VWA3B: variants seen among roughly 807,000 people sequenced by gnomAD.
VWA3B encodes von Willebrand factor A domain-containing protein 3B.
VWA3B carries 138 observed loss-of-function variants against 158.3 expected under a neutral mutation model. The ratio of observed to expected loss-of-function variants is 0.87; its 90% confidence interval spans 0.76 to 1.00. The LOEUF (loss-of-function observed/expected upper bound fraction) is 1.00, where lower values mean the gene tolerates loss of function less well. Among genes scored for constraint, VWA3B ranks in the 50% least tolerant of loss-of-function variants. VWA3B has a pLI of 0.00. For missense variants in VWA3B, 1,555 were observed against 1,565.1 expected (o/e 0.99, Z 0.11); for synonymous variants, 596 against 587.3 (o/e 1.01, Z -0.21).
intron 8 of VWA3B, among the ~76,000 whole-genome samples, chr2:98,164,424 G>T (rs1678898345): frequency 6.6e-6 from 1 of 152,166 alleles, no homozygotes; most frequent in Non-Finnish European, 1.5e-5. Flanking sequence ...CACTGAATGG[G>T]CACATACTAT....
intron 2 of VWA3B, among the ~76,000 whole-genome samples, chr2:98,100,734 T>A (rs1212663173): frequency 1.3e-5 from 2 of 152,214 alleles, no homozygotes; most frequent in Non-Finnish European, 2.9e-5. Flanking sequence ...GGTAAAGTCC[T>A]ATTCTTTCTT....
At chr2:98,139,201 C>T (rs13395745) in intron 7 of VWA3B, among the ~76,000 whole-genome samples, 14,228 of 152,282 alleles carry the variant, frequency 0.093, 1,037 homozygotes, top group African/African-American at 0.2. Flanking sequence ...CCCACCGGAG[C>T]TGCTCTCGAT....
intron 19 of VWA3B, among the ~76,000 whole-genome samples, chr2:98,245,031 C>G (rs1431574388): frequency 6.6e-6 from 1 of 152,088 alleles, no homozygotes; most frequent in Non-Finnish European, 1.5e-5. Context: ...CTAGTCACAA[C>G]CTTGTCACAT....
chr2:98,228,600 G>A (rs552177842), intron 15 of VWA3B, among the ~76,000 whole-genome samples: 13 of 152,120 alleles, frequency 8.5e-5, no homozygotes, highest in Non-Finnish European at 1.9e-4. Flanking sequence ...GCAATGAGAG[G>A]GCGGAGAGGA....
intron 22 of VWA3B, among the ~76,000 whole-genome samples, chr2:98,273,404 C>G (rs1010010372): frequency 6.6e-6 from 1 of 152,166 alleles, no homozygotes; most frequent in African/African-American, 2.4e-5. Flanking sequence ...GGTCATATGT[C>G]TAGTAATGTT....
chr2:98,207,387 G>A (rs1376889114), intron 12 of VWA3B: 2 of 482,776 alleles, frequency 4.1e-6, no homozygotes, highest in East Asian at 1.0e-4. Flanking sequence ...TTGGCAATGA[G>A]CATAATGATG....
chr2:98,121,102 G>C (rs949173406), intron 4 of VWA3B, among the ~76,000 whole-genome samples, 197 bp from the exon 5 acceptor site: 5 of 152,202 alleles, frequency 3.3e-5, no homozygotes, highest in Non-Finnish European at 7.3e-5. Context: ...ATAGAAGGTA[G>C]TGGTGCTTTG....
At position 98,092,371 on chromosome 2, in the gene VWA3B, G is replaced by A. The variant is rs180927572; in HGVS notation, c.-32-690G>A. Among the ~76,000 whole-genome samples the A allele has an allele frequency of 3.9e-5, 6 of 152,334 alleles. No individual in the cohort carries two copies. The East Asian group carries it at 7.7e-4, about 20-fold the overall frequency. On this transcript the variant is annotated intron_variant, in intron 1 of 27. Coordinates refer to ENST00000477737, the MANE Select transcript of VWA3B (RefSeq NM_144992.5). ...TTATAAAAGTAAATTCCAGCTGGGC[G>A]CAGTGGCTCACGCCTGTAATCCCAA...
chr2:98,126,458 C>T (rs1468569217), intron 5 of VWA3B, among the ~76,000 whole-genome samples: 1 of 152,144 alleles, frequency 6.6e-6, no homozygotes, highest in Non-Finnish European at 1.5e-5. Context: ...TGAACCTGTC[C>T]CCATGCTAAA....
intron 10 of VWA3B, among the ~76,000 whole-genome samples, chr2:98,189,679 T>TC (rs1015104116): frequency 2.8e-4 from 42 of 152,352 alleles, no homozygotes; most frequent in African/African-American, 9.4e-4. Flanking sequence ...TGTTGAAATC[T>TC]CCAACTGTAG....
At chr2:98,311,501 G>A (rs1471191898) in intron 26 of VWA3B, among the ~76,000 whole-genome samples, 1 of 152,182 alleles carries the variant, frequency 6.6e-6, no homozygotes, top group Non-Finnish European at 1.5e-5. Context: ...TCCCTGGGGC[G>A]GACACAGGTC....
downstream of VWA3B, among the ~76,000 whole-genome samples, chr2:98,317,222 C>T (rs1454817176): frequency 6.6e-6 from 1 of 152,054 alleles, no homozygotes; most frequent in Non-Finnish European, 1.5e-5. Context: ...TGATAGTTCC[C>T]CCTGAGTTCA....
intron 12 of VWA3B, among the ~76,000 whole-genome samples, chr2:98,198,307 A>G (rs1288882621): frequency 6.6e-6 from 1 of 152,196 alleles, no homozygotes; most frequent in African/African-American, 2.4e-5. Flanking sequence ...TTCATACTCT[A>G]CAAGAAACAA....
chr2:98,185,406 C>T (rs1186658123), intron 9 of VWA3B, among the ~76,000 whole-genome samples: 4 of 152,204 alleles, frequency 2.6e-5, no homozygotes, highest in East Asian at 1.9e-4. Context: ...GGCTTATCTC[C>T]GTGCAGTTAA....
Position 98,256,133 on chromosome 2 carries a change from T to G in VWA3B, c.2802T>G (p.Asn934Lys). 6.2e-7 allele frequency: 1 copy of G among 1,613,058 alleles called. No individual in the cohort carries two copies. Among genetic ancestry groups the G allele is most frequent in the Admixed American group, 1.7e-5 (1 of 59,820 alleles). The stretch of plus-strand genomic sequence containing the variant: ...TTTTTTTTTTTAACAGGCGCTTGAA[T>G]AAAATTGTTTGGCGAGCATTATCTC... ...QAIQSYEKRLNKIVWRALSQE... is the reference protein window; with the variant it reads ...QAIQSYEKRLKKIVWRALSQE... Residue 934 changes from asparagine to lysine, a missense_variant, in exon 21 of 28, where the codon AAT (asparagine) becomes AAG (lysine). Transcript: ENST00000477737.
At chr2:98,109,544 G>A (rs2104900444) in intron 2 of VWA3B, among the ~76,000 whole-genome samples, 1 of 152,152 alleles carries the variant, frequency 6.6e-6, no homozygotes, top group Admixed American at 6.5e-5. Flanking sequence ...AACATTATTT[G>A]TAATACTCAA....
intron 2 of VWA3B, among the ~76,000 whole-genome samples, chr2:98,112,972 C>T (rs1169329789): frequency 6.6e-6 from 1 of 151,192 alleles, no homozygotes; most frequent in Non-Finnish European, 1.5e-5. Context: ...TCTAAAATTT[C>T]CTTTCTTTTC....
chr2:98,167,467 G>A (rs1679182578), intron 8 of VWA3B, among the ~76,000 whole-genome samples: 1 of 152,156 alleles, frequency 6.6e-6, no homozygotes, highest in Non-Finnish European at 1.5e-5. Context: ...AAAGAAAGGT[G>A]AGCTCTAGCT....
At chr2:98,145,866 C>T (rs762368041) in intron 7 of VWA3B, among the ~76,000 whole-genome samples, 11 of 151,990 alleles carry the variant, frequency 7.2e-5, no homozygotes, top group African/African-American at 1.5e-4. Flanking sequence ...ACTACAGGCA[C>T]GTGCCACTAT....
Sources: gnomAD v4.1 joint callset for allele counts (sites outside exome capture counted in the v4.1 genomes callset) on GRCh38, gnomAD v4.1.1 for gene constraint, MANE v1.5 for transcripts, NCBI Gene and HGNC (gene_info 2026-07-23, HGNC 2026-07-21) for gene names.